COL18A1: variants seen among roughly 807,000 people sequenced by gnomAD.
COL18A1 encodes collagen type XVIII alpha 1 chain, also known as collagen alpha-1(XVIII) chain.
Under a neutral mutation model 168.0 loss-of-function variants are expected in COL18A1, and 133 were observed. That is an observed-to-expected ratio of 0.79 (90% CI 0.69 to 0.91). COL18A1 has a LOEUF of 0.91. Ranked by LOEUF, COL18A1 falls within the 40% of genes least tolerant of loss-of-function variation. The probability of loss-of-function intolerance (pLI) is 0.00; values close to 1 mark genes in which losing one functional copy is unlikely to be tolerated. For missense variants in COL18A1, 2,126 were observed against 1,925.4 expected (o/e 1.10, Z -1.95); for synonymous variants, 949 against 809.0 (o/e 1.17, Z -2.94).
intron 29 of COL18A1, chr21:45,496,071 CATGCCCTCCATGCCCTCT>C (rs143256471): frequency 0.18 from 66,578 of 368,676 alleles, 6,139 homozygotes; most frequent in Middle Eastern, 0.22. Flanking sequence ...GGGCCTGGGC[CATGCCCTCCATGCCCTCT>C]ATGCCCTCCA....
chr21:45,405,830 C>T (rs1479885264), intron 2 of COL18A1, among the ~76,000 whole-genome samples: 1 of 151,708 alleles, frequency 6.6e-6, no homozygotes, highest in Admixed American at 6.6e-5. Flanking sequence ...CGGCCTCGTC[C>T]CCGCAGCGCC....
chr21:45,440,748 A>G (rs2034349313), intron 2 of COL18A1, among the ~76,000 whole-genome samples: 2 of 152,118 alleles, frequency 1.3e-5, no homozygotes, highest in African/African-American at 4.8e-5. Flanking sequence ...TTTATGTCAC[A>G]CCCTGGCTGC....
chr21:45,438,182 ACTCAGACACACAGG>A (rs2034252196), intron 2 of COL18A1, among the ~76,000 whole-genome samples: 1 of 120,964 alleles, frequency 8.3e-6, no homozygotes, highest in Non-Finnish European at 1.6e-5. Flanking sequence ...ACACACTCAC[ACTCAGACACACAGG>A]CACTCTCCTG....
intron 19 of COL18A1, among the ~76,000 whole-genome samples, chr21:45,489,800 G>A (rs969511671): frequency 2.9e-5 from 4 of 135,910 alleles, no homozygotes; most frequent in East Asian, 4.4e-4. Context: ...CCCTGCCACC[G>A]GCCTCCCGCC....
In COL18A1 at chr21:45,497,073, C is replaced by T. The variant is rs374530279; in HGVS notation, c.2601C>T (p.Pro867=). 6.8e-5 allele frequency: 109 copies of T among 1,599,932 alleles called. No homozygotes were observed. The highest frequency in any genetic ancestry group is 1.2e-4 in the African/African-American group (9 of 74,804). ...DSNVFAESSR[P]GPPGLPGNQG... is the part of the protein sequence containing the mutation. ...AGGTGTTTGCTGAGTCCAGCCGCCC[C>T]GGGCCTCCAGGATTGCCAGGTGAGG... Residue 867 remains proline (P), a synonymous_variant, in exon 31 of 42, where the codon CCC becomes CCT. Coordinates refer to ENST00000651438, the MANE Select transcript of COL18A1 (RefSeq NM_001379500.1).
rs778026912 is a variant in COL18A1, at chr21:45,507,554, C to CT, written c.3217-5dup. 2.5e-6 allele frequency: 4 copies of CT among 1,612,256 alleles called. No homozygotes were observed. Among genetic ancestry groups the CT allele is most frequent in the Non-Finnish European group, 3.4e-6 (4 of 1,179,666 alleles). The stretch of plus-strand genomic sequence containing the variant: ...AGGTCCTGGGTGACCCTGCTGCTTT[C>CT]TTCCAGCTGGAGGCCCGGACACCAC... On this transcript the variant is annotated splice_polypyrimidine_tract_variant and splice_region_variant and intron_variant, in intron 37 of 41. Transcript: ENST00000651438.
intron 30 of COL18A1, among the ~76,000 whole-genome samples, 173 bp from the exon 31 acceptor site, chr21:45,496,877 C>T (rs546420596): frequency 6.6e-6 from 1 of 152,328 alleles, no homozygotes; most frequent in South Asian, 2.1e-4. Context: ...CAAGTGGCGT[C>T]AGGCCGTGGC....
In COL18A1 at chr21:45,405,473, G is replaced by C. The variant is rs2033065945; in HGVS notation, c.106G>C (p.Glu36Gln). ...LGVRAASAEP[E>Q]RISEEVGLLQ... ...GGTCCGCGCGGCCTCCGCGGAGCCA[G>C]GTAAGACCCGGGCGGGACGGGAAGG... The change falls in exon 2 of 42, where the codon GAG becomes CAG. Residue 36 changes from glutamate to glutamine, a missense_variant and splice_region_variant. Transcript: ENST00000651438. The C allele has an allele frequency of 1.8e-5, 24 of 1,369,090 alleles. No individual in the cohort carries two copies. The highest frequency in any genetic ancestry group is 2.3e-5 in the Non-Finnish European group (24 of 1,052,408). 84.8% of individuals were successfully genotyped at this position (1,369,090 alleles called of 1,614,324 possible).
At chr21:45,495,565 C>T in intron 29 of COL18A1, 133 bp downstream of exon 29, 1 of 741,640 alleles carries the variant, frequency 1.3e-6, no homozygotes, top group Non-Finnish European at 2.4e-6. Context: ...CCACACAGCA[C>T]TGGTCATGCC....
chr21:45,406,255 G>C (rs573439251), intron 2 of COL18A1, among the ~76,000 whole-genome samples: 1 of 152,298 alleles, frequency 6.6e-6, no homozygotes, highest in African/African-American at 2.4e-5. Context: ...CAAAGGGCCT[G>C]GGTGCCTTGT....
At chr21:45,485,149 A>ATTTTTTTTTT (rs751718038) in intron 15 of COL18A1, among the ~76,000 whole-genome samples, 1,472 of 55,084 alleles carry the variant, frequency 0.027, 193 homozygotes, top group Non-Finnish European at 0.039. Flanking sequence ...CACCTGGCTA[A>ATTTTTTTTTT]TTTTTTTTTT....
intron 2 of COL18A1, among the ~76,000 whole-genome samples, chr21:45,417,700 C>T (rs1379840742): frequency 3.9e-5 from 6 of 152,178 alleles, no homozygotes; most frequent in South Asian, 2.1e-4. Context: ...CGCTCTCGGC[C>T]GGGGGATGTG....
intron 38 of COL18A1, among the ~76,000 whole-genome samples, chr21:45,508,399 G>A (rs1412166441): frequency 6.7e-6 from 1 of 150,366 alleles, no homozygotes. Context: ...ATGGATGGTG[G>A]ATAGGTAGAT....
rs1282122900 is a variant in COL18A1 at position 45,468,250 on chromosome 21, A to G, written c.115A>G (p.Ser39Gly). 6.2e-7 allele frequency: 1 copy of G among 1,612,914 alleles called. No individual in the cohort carries two copies. Among genetic ancestry groups the G allele is most frequent in the Non-Finnish European group, 8.5e-7 (1 of 1,180,024 alleles). Reference sequence around the variant, plus strand: ...TGTCTTTCTTTTTGCAGAGCGCATCAGCGAGGAGGTGGGGCTGCTGCAGCT... The same window carrying G: ...TGTCTTTCTTTTTGCAGAGCGCATCGGCGAGGAGGTGGGGCTGCTGCAGCT... The part of the protein sequence containing the change: ...RAASAEPERI[S>G]EEVGLLQLLG... The change falls in exon 3 of 42, where the codon AGC becomes GGC. Residue 39 changes from serine to glycine, a missense_variant. Physicochemically the swap from Ser to Gly is moderately conservative, Grantham distance 56. Transcript: ENST00000651438.
intron 14 of COL18A1, chr21:45,482,373 G>A (rs769812418): frequency 4.6e-6 from 3 of 655,106 alleles, no homozygotes; most frequent in South Asian, 1.4e-5. Context: ...GTTTGTGGGT[G>A]GACCTGGCGG....
intron 2 of COL18A1, among the ~76,000 whole-genome samples, chr21:45,453,028 T>G (rs987859375): frequency 2.0e-5 from 3 of 152,068 alleles, no homozygotes; most frequent in African/African-American, 7.2e-5. Flanking sequence ...ATTGCGAGTA[T>G]TCATGTGTGA....
chr21:45,479,280 ACAC>A (rs1232952900), intron 9 of COL18A1, among the ~76,000 whole-genome samples: 1 of 146,434 alleles, frequency 6.8e-6, no homozygotes, highest in Non-Finnish European at 1.5e-5. Flanking sequence ...ACACATGCAC[ACAC>A]ATTACACACA....
intron 2 of COL18A1, among the ~76,000 whole-genome samples, chr21:45,460,209 G>A (rs1413491678): frequency 6.6e-6 from 1 of 152,234 alleles, no homozygotes; most frequent in Non-Finnish European, 1.5e-5. Flanking sequence ...CCCAGCCGGG[G>A]AGCACCAGGA....
intron 2 of COL18A1, among the ~76,000 whole-genome samples, chr21:45,437,624 G>GCACACA (rs561785406): frequency 1.6e-4 from 5 of 31,612 alleles, no homozygotes; most frequent in Admixed American, 1.5e-3. Context: ...GCACTCTCCT[G>GCACACA]CACACACACT....
Sources: gnomAD v4.1 joint callset for allele counts (sites outside exome capture counted in the v4.1 genomes callset) on GRCh38, gnomAD v4.1.1 for gene constraint, MANE v1.5 for transcripts, NCBI Gene and HGNC (gene_info 2026-07-23, HGNC 2026-07-21) for gene names.